Variants in GRM1 observed in about 807,000 individuals in gnomAD.
The protein encoded by GRM1 is glutamate metabotropic receptor 1.
In GRM1, 33 loss-of-function variants were observed where a neutral mutation model predicts 90.9. The observed-to-expected ratio is 0.36, with a 90% CI of 0.28 to 0.49. GRM1 has a LOEUF of 0.49. Among genes scored for constraint, GRM1 ranks in the 20% least tolerant of loss-of-function variants. GRM1 has a pLI of 0.99. For missense variants in GRM1, 1,190 were observed against 1,534.3 expected (o/e 0.78, Z 3.75); for synonymous variants, 700 against 613.2 (o/e 1.14, Z -2.09).
At chr6:146,417,391 C>T (rs995054088) in intron 7 of GRM1, among the ~76,000 whole-genome samples, 1 of 152,120 alleles carries the variant, frequency 6.6e-6, no homozygotes, top group African/African-American at 2.4e-5. Flanking sequence ...TTGATCCCTC[C>T]CTTTTATATT....
At chr6:146,383,602 A>G (rs550766999) in intron 5 of GRM1, among the ~76,000 whole-genome samples, 1 of 152,264 alleles carries the variant, frequency 6.6e-6, no homozygotes, top group South Asian at 2.1e-4. Flanking sequence ...TCTGAAAGTA[A>G]AAGTAGGAAC....
At chr6:146,069,194 T>C (rs1775948918) in intron 1 of GRM1, among the ~76,000 whole-genome samples, 2 of 152,192 alleles carry the variant, frequency 1.3e-5, no homozygotes, top group Non-Finnish European at 2.9e-5. Flanking sequence ...TTTTTATGTT[T>C]CCTTGTGACT....
At chr6:146,344,413 C>T (rs758920409) in intron 3 of GRM1, among the ~76,000 whole-genome samples, 1 of 152,156 alleles carries the variant, frequency 6.6e-6, no homozygotes, top group Non-Finnish European at 1.5e-5. Context: ...TGTAAATATG[C>T]CCTTTACAAC....
At chr6:146,133,699 C>A (rs1252565441) in intron 1 of GRM1, among the ~76,000 whole-genome samples, 2 of 152,168 alleles carry the variant, frequency 1.3e-5, no homozygotes, top group African/African-American at 4.8e-5. Context: ...TGGGACCCAA[C>A]TGCATGTGGA....
chr6:146,223,055 A>G (rs1016064357), intron 2 of GRM1, among the ~76,000 whole-genome samples: 2 of 151,996 alleles, frequency 1.3e-5, no homozygotes, highest in Non-Finnish European at 2.9e-5. Context: ...GTGTCTCTCT[A>G]TTATCTGGCC....
At chr6:146,199,048 A>G (rs1779214658) in intron 2 of GRM1, among the ~76,000 whole-genome samples, 1 of 152,170 alleles carries the variant, frequency 6.6e-6, no homozygotes, top group East Asian at 1.9e-4. Context: ...CCTCATGGAT[A>G]TTAACAAGCC....
intron 7 of GRM1, among the ~76,000 whole-genome samples, chr6:146,413,470 T>A (rs1437614373): frequency 6.6e-6 from 1 of 152,124 alleles, no homozygotes; most frequent in Non-Finnish European, 1.5e-5. Context: ...TTTCTTTCCT[T>A]GCTTTAGTTT....
intron 1 of GRM1, among the ~76,000 whole-genome samples, chr6:146,105,213 G>T (rs1046794406): frequency 6.6e-6 from 1 of 152,144 alleles, no homozygotes; most frequent in Admixed American, 6.5e-5. Flanking sequence ...GTAGAAGTCT[G>T]ATTGTCCTGG....
At chr6:146,064,754 G>A (rs559017729) in intron 1 of GRM1, among the ~76,000 whole-genome samples, 1 of 146,312 alleles carries the variant, frequency 6.8e-6, no homozygotes, top group Non-Finnish European at 1.5e-5. Flanking sequence ...TCGCGCCACT[G>A]CACTCCAGCC....
At chr6:146,413,467 C>T (rs1277313382) in intron 7 of GRM1, among the ~76,000 whole-genome samples, 3 of 151,916 alleles carry the variant, frequency 2.0e-5, no homozygotes, top group African/African-American at 7.2e-5. Flanking sequence ...GCATTTCTTT[C>T]CTTGCTTTAG....
intron 2 of GRM1, among the ~76,000 whole-genome samples, chr6:146,223,579 A>G (rs1780142003): frequency 6.6e-6 from 1 of 152,160 alleles, no homozygotes; most frequent in East Asian, 1.9e-4. Flanking sequence ...AGTTATCTCT[A>G]TAACAGCCTT....
At chr6:146,295,207 A>G (rs569928528) in intron 2 of GRM1, among the ~76,000 whole-genome samples, 56 of 151,984 alleles carry the variant, frequency 3.7e-4, no homozygotes, top group Non-Finnish European at 5.4e-4. Flanking sequence ...TGAGAATAGT[A>G]TCATCTATCC....
intron 2 of GRM1, among the ~76,000 whole-genome samples, chr6:146,182,671 C>T (rs1228483646): frequency 1.3e-5 from 2 of 152,068 alleles, no homozygotes; most frequent in East Asian, 1.9e-4. Flanking sequence ...GTGCTACCTC[C>T]ATCACTGCAG....
chr6:146,112,279 TAA>T (rs570946557), intron 1 of GRM1, among the ~76,000 whole-genome samples: 4 of 140,282 alleles, frequency 2.9e-5, no homozygotes, highest in Admixed American at 7.1e-5. Context: ...TATGATTATC[TAA>T]AAAAAAAAAA....
rs1779101249 is a variant in GRM1, at chr6:146,195,990, C to T, written c.950+36393C>T. Among the ~76,000 whole-genome samples the T allele has an allele frequency of 2.6e-5, 4 of 152,148 alleles. 1 individual carries two copies. In the South Asian group the frequency reaches 8.3e-4, roughly 32 times the overall value. On this transcript the variant is annotated intron_variant, in intron 2 of 7. Coordinates refer to ENST00000282753, the MANE Select transcript of GRM1 (RefSeq NM_001278064.2). ...CTGGGACAGTCCAGGTGTATGTCTA[C>T]AGTCTTAGCATTTTGTTCAGTTTAG...
chr6:146,237,160 C>T (rs1213900477), intron 2 of GRM1, among the ~76,000 whole-genome samples: 1 of 151,946 alleles, frequency 6.6e-6, no homozygotes, highest in Non-Finnish European at 1.5e-5. Context: ...ATTCAAGAAC[C>T]ATTGTGATTT....
intron 1 of GRM1, among the ~76,000 whole-genome samples, chr6:146,106,426 C>A (rs1775300784): frequency 6.6e-6 from 1 of 152,112 alleles, no homozygotes; most frequent in Non-Finnish European, 1.5e-5. Flanking sequence ...GTGGTGGGCC[C>A]CAGACAGTAC....
intron 2 of GRM1, among the ~76,000 whole-genome samples, chr6:146,231,189 A>T (rs961972798): frequency 2.6e-5 from 4 of 152,154 alleles, no homozygotes; most frequent in African/African-American, 4.8e-5. Flanking sequence ...ACATATCCTC[A>T]TCAGCTGTGA....
chr6:146,240,860 G>A (rs533523945), intron 2 of GRM1, among the ~76,000 whole-genome samples: 14 of 152,208 alleles, frequency 9.2e-5, no homozygotes, highest in African/African-American at 2.6e-4. Flanking sequence ...GAATTTACAT[G>A]TATACCTACT....
Sources: allele counts gnomAD v4.1 joint callset (sites outside exome capture counted in the v4.1 genomes callset), GRCh38; gene constraint gnomAD v4.1.1; transcripts MANE v1.5; gene names NCBI Gene and HGNC (gene_info 2026-07-23, HGNC 2026-07-21).